KIAA0586: variants seen among roughly 807,000 people sequenced by gnomAD.
The protein encoded by KIAA0586 is KIAA0586, also known as protein TALPID3.
KIAA0586 carries 144 observed loss-of-function variants against 169.8 expected under a neutral mutation model. That is an observed-to-expected ratio of 0.85 (90% CI 0.74 to 0.97). The LOEUF is 0.97. Ranked by LOEUF, KIAA0586 falls within the 50% of genes least tolerant of loss-of-function variation. KIAA0586 has a pLI of 0.00. For missense variants in KIAA0586, 1,854 were observed against 1,823.0 expected, an observed-to-expected ratio of 1.02 and a Z score of -0.31; for synonymous variants, 625 against 612.4, an observed-to-expected ratio of 1.02 and a Z score of -0.30.
chr14:58,471,755 T>G (rs1000990498), intron 17 of KIAA0586, among the ~76,000 whole-genome samples: 15 of 152,180 alleles, frequency 9.9e-5, no homozygotes, highest in African/African-American at 3.1e-4. Flanking sequence ...GACTACATTT[T>G]ATATAATGAG....
intron 14 of KIAA0586, among the ~76,000 whole-genome samples, chr14:58,465,125 C>G (rs2040645224): frequency 6.6e-6 from 1 of 152,016 alleles, no homozygotes; most frequent in South Asian, 2.1e-4. Context: ...CTCAAACTTT[C>G]CATTAATATT....
intron 29 of KIAA0586, among the ~76,000 whole-genome samples, chr14:58,515,660 T>G (rs1222041510): frequency 6.6e-6 from 1 of 152,130 alleles, no homozygotes; most frequent in Non-Finnish European, 1.5e-5. Flanking sequence ...ATTTCAAAAC[T>G]ATGTGTGTGT....
Position 58,488,650 on chromosome 14 carries a change from C to G in KIAA0586, c.3557C>G (p.Pro1186Arg), listed in dbSNP as rs1022647802. Residue 1186 changes from proline (P) to arginine (R), a missense_variant, in exon 24 of 31, where the codon CCA (proline) becomes CGA (arginine). Physicochemically the swap from Pro to Arg is moderately radical, Grantham distance 103. Transcript: ENST00000652326. ...IVMSVAKDEE[P>R]ESMDFPAQPP... The stretch of plus-strand genomic sequence containing the variant: ...ATGTCTGTGGCTAAGGATGAAGAAC[C>G]AGAGAGTATGGATTTCCCTGCTCAG... The G allele has an allele frequency of 6.2e-7, 1 of 1,613,742 alleles. No individual in the cohort carries two copies. Among genetic ancestry groups the G allele is most frequent in the Non-Finnish European group, 8.5e-7 (1 of 1,179,822 alleles).
intron 14 of KIAA0586, among the ~76,000 whole-genome samples, chr14:58,462,427 A>G (rs1247072713): frequency 6.7e-6 from 1 of 149,646 alleles, no homozygotes; most frequent in Non-Finnish European, 1.5e-5. Context: ...TTTTTTTTGT[A>G]TTTTTAGTAG....
At chr14:58,511,655 G>A (rs1281428925) in intron 28 of KIAA0586, among the ~76,000 whole-genome samples, 3 of 152,022 alleles carry the variant, frequency 2.0e-5, no homozygotes, top group Non-Finnish European at 2.9e-5. Context: ...CATGACTAAC[G>A]GCTCTAAACT....
chr14:58,519,766 A>G (rs1201360339), intron 29 of KIAA0586, among the ~76,000 whole-genome samples: 1 of 152,182 alleles, frequency 6.6e-6, no homozygotes, highest in Non-Finnish European at 1.5e-5. Flanking sequence ...CACTGTGGTG[A>G]TCAGTAAATG....
intron 6 of KIAA0586, among the ~76,000 whole-genome samples, chr14:58,445,124 CAT>C (rs1180038473): frequency 7.0e-6 from 1 of 142,998 alleles, no homozygotes; most frequent in East Asian, 2.0e-4. Context: ...CACACACATA[CAT>C]ACACACACAC....
intron 26 of KIAA0586, among the ~76,000 whole-genome samples, chr14:58,497,066 C>G (rs893032036): frequency 6.6e-6 from 1 of 151,346 alleles, no homozygotes; most frequent in African/African-American, 2.4e-5. Context: ...CCTCCACCTC[C>G]TGGGTTCAAG....
At chr14:58,544,209 T>C (rs1161580054) in intron 30 of KIAA0586, among the ~76,000 whole-genome samples, 1 of 152,248 alleles carries the variant, frequency 6.6e-6, no homozygotes, top group Non-Finnish European at 1.5e-5. Flanking sequence ...TTGTTCTTTT[T>C]TATGGCTGCA....
intron 20 of KIAA0586, among the ~76,000 whole-genome samples, chr14:58,481,380 G>T (rs1249830689): frequency 6.6e-6 from 1 of 152,180 alleles, no homozygotes. Context: ...TAAGTGAGAA[G>T]TACAACCCAT....
At chr14:58,508,330 T>A (rs892567714) in intron 27 of KIAA0586, among the ~76,000 whole-genome samples, 3 of 152,228 alleles carry the variant, frequency 2.0e-5, no homozygotes, top group Non-Finnish European at 4.4e-5. Context: ...GAACTTTACA[T>A]AGAATATTCC....
intron 4 of KIAA0586, chr14:58,439,713 G>A: frequency 2.8e-6 from 1 of 356,840 alleles, no homozygotes; most frequent in Non-Finnish European, 3.9e-6. Context: ...AAGTCAAGAT[G>A]ACTTCAACAT....
At chr14:58,437,967 G>C (rs1595088471) in intron 4 of KIAA0586, among the ~76,000 whole-genome samples, 1 of 152,132 alleles carries the variant, frequency 6.6e-6, no homozygotes, top group East Asian at 1.9e-4. Flanking sequence ...GAGATGTAGG[G>C]GGTATGGTGT....
rs759353389 is a variant in KIAA0586, at chr14:58,471,798, TG to T, written c.2554-400del. 4.6e-5 allele frequency among the ~76,000 whole-genome samples: 7 copies of T among 152,186 alleles called. No homozygotes were observed. The South Asian group carries it at 6.2e-4, about 13-fold the overall frequency. On this transcript the variant is annotated intron_variant, in intron 17 of 30. Transcript: ENST00000652326. ...GATTAGATTTGTAAAATGACTATTT[TG>T]TTTTTTTTCCTGAATTATTTGATTC... is the stretch of plus-strand genomic sequence containing the variant.
intron 4 of KIAA0586, among the ~76,000 whole-genome samples, chr14:58,435,613 T>C (rs917717849): frequency 3.3e-5 from 5 of 152,298 alleles, no homozygotes; most frequent in Non-Finnish European, 7.3e-5. Context: ...CTTTAACAAA[T>C]CTCTCCCTAT....
At chr14:58,468,088 C>T (rs1338671946) in intron 16 of KIAA0586, among the ~76,000 whole-genome samples, 166 bp downstream of exon 16, 1 of 152,028 alleles carries the variant, frequency 6.6e-6, no homozygotes, top group Non-Finnish European at 1.5e-5. Context: ...TCTTGTCGCC[C>T]AGTCTGGAGG....
intron 1 of KIAA0586, 146 bp downstream of exon 1, chr14:58,428,609 A>C (rs1224160819): frequency 1.1e-5 from 7 of 612,404 alleles, no homozygotes; most frequent in Middle Eastern, 4.2e-4. Flanking sequence ...ATGGCCAGGA[A>C]GCCTATAAAA....
In KIAA0586 at chr14:58,438,551, A is replaced by G. The variant is rs181192993; in HGVS notation, c.411-4155A>G. Among the ~76,000 whole-genome samples the G allele has an allele frequency of 1.0e-3, 154 of 152,320 alleles. 1 individual carries two copies. The highest frequency in any genetic ancestry group is 3.0e-3 in the African/African-American group (124 of 41,580). Reference sequence around the variant, plus strand: ...TGCTTACAGCTTAATTGGGGAGATAATATGTATATATATGGAAGAATTAGT... The same window carrying G: ...TGCTTACAGCTTAATTGGGGAGATAGTATGTATATATATGGAAGAATTAGT... On this transcript the variant is annotated intron_variant, in intron 4 of 30. Transcript: ENST00000652326.
At position 58,482,039 on chromosome 14, in the gene KIAA0586, C is replaced by A. The variant is rs549111578; in HGVS notation, c.2945-474C>A. Among the ~76,000 whole-genome samples, 14 of 149,938 alleles carry A rather than the reference C, an allele frequency of 9.3e-5. No individual in the cohort carries two copies. The South Asian group carries it at 3.1e-3, about 34-fold the overall frequency. ...ATGTTAGCCAGGATGGTCTCAATCTCCTGACCTCATGATCCACCAGCCTTG... is the reference window on the plus strand; with the variant it reads ...ATGTTAGCCAGGATGGTCTCAATCTACTGACCTCATGATCCACCAGCCTTG... On this transcript the variant is annotated intron_variant, in intron 20 of 30. Coordinates refer to ENST00000652326, the MANE Select transcript of KIAA0586 (RefSeq NM_001329943.3).
Sources: gnomAD v4.1 joint callset for allele counts (sites outside exome capture counted in the v4.1 genomes callset) on GRCh38, gnomAD v4.1.1 for gene constraint, MANE v1.5 for transcripts, NCBI Gene and HGNC (gene_info 2026-07-23, HGNC 2026-07-21) for gene names.